CTNNB1: variants seen among roughly 807,000 people sequenced by gnomAD.
The protein encoded by CTNNB1 is catenin beta 1, also known as catenin beta-1.
CTNNB1 carries 6 observed loss-of-function variants against 82.5 expected under a neutral mutation model. The ratio of observed to expected loss-of-function variants is 0.07; its 90% CI spans 0.04 to 0.14. The LOEUF (loss-of-function observed/expected upper bound fraction) is 0.14. CTNNB1 is among the 10% of genes least tolerant of loss of function. The pLI is 1.00. For missense variants in CTNNB1, 529 were observed against 980.4 expected (o/e 0.54, Z 6.15); for synonymous variants, 312 against 329.7 (o/e 0.95, Z 0.58).
At chr3:41,211,199 T>C (rs988344261) in intron 1 of CTNNB1, 6 of 397,808 alleles carry the variant, frequency 1.5e-5, no homozygotes, top group East Asian at 7.4e-5. Context: ...ACGTTAACGA[T>C]GGCTACAACA....
rs1361277045 is a variant in CTNNB1, at chr3:41,225,433, G to T, written c.595G>T (p.Val199Leu). 1 of 1,613,862 alleles carries T rather than the reference G, an allele frequency of 6.2e-7. No individual in the cohort carries two copies. The highest frequency in any genetic ancestry group is 8.5e-7 in the Non-Finnish European group (1 of 1,179,938). ...MRSPQMVSAI[V>L]RTMQNTNDVE... ...TTCTCCTCAGATGGTGTCTGCTATT[G>T]TACGTACCATGCAGAATACAAATGA... The change falls in exon 5 of 15, where the codon GTA (valine) becomes TTA (leucine). Residue 199 changes from valine to leucine, a missense_variant. By Grantham distance (32) the Val-to-Leu change is conservative. Around this residue, in one of 4 missense-constraint regions of CTNNB1, gnomAD observed 411 missense variants for 776.4 expected, o/e 0.53. Coordinates refer to ENST00000349496, the MANE Select transcript of CTNNB1 (RefSeq NM_001904.4). This position sits in a 1 kb window ranked among gnomAD's most constrained non-coding sequence, Gnocchi z 5.3.
At chr3:41,214,425 A>G (rs1009324090) in intron 1 of CTNNB1, among the ~76,000 whole-genome samples, 10 of 151,966 alleles carry the variant, frequency 6.6e-5, no homozygotes, top group South Asian at 2.1e-4. Flanking sequence ...AAAATCATGC[A>G]TATGTTGTGG....
At position 41,240,371 on chromosome 3, in the gene CTNNB1, C is replaced by A. The variant is rs1350602036; in HGVS notation, c.*1029C>A. 1 of 186,552 alleles carries A rather than the reference C, an allele frequency of 5.4e-6. No homozygotes were observed. The allele number at this position is 186,552 out of a possible 1,614,324, so 11.6% of individuals were successfully genotyped here. ...CCTTTTATCCCAAAGTTGTTGTAAC[C>A]TGCTGTGATACGATGCTTCAAGAGA... On this transcript the variant is annotated 3_prime_UTR_variant, in exon 15 of 15. Coordinates refer to ENST00000349496, the MANE Select transcript of CTNNB1 (RefSeq NM_001904.4).
chr3:41,235,405 C>A, intron 10 of CTNNB1: 1 of 356,436 alleles, frequency 2.8e-6, no homozygotes, highest in Non-Finnish European at 5.3e-6. Flanking sequence ...CTGAGCATTA[C>A]TTTCTCATCT....
rs1321955074 is a variant in CTNNB1, at chr3:41,225,690, C to T, written c.765C>T (p.Ala255=). 6.2e-7 allele frequency: 1 copy of T among 1,614,086 alleles called. No individual in the cohort carries two copies. The highest frequency in any genetic ancestry group is 8.5e-7 in the Non-Finnish European group (1 of 1,179,996). Residue 255 remains alanine, a synonymous_variant, in exon 6 of 15, where the codon GCC becomes GCT. Coordinates refer to ENST00000349496, the MANE Select transcript of CTNNB1 (RefSeq NM_001904.4). This position sits in a 1 kb window ranked among gnomAD's most constrained non-coding sequence, Gnocchi z 5.3. ...GSPVDSVLFY[A]ITTLHNLLLH... ...CAGTGGATTCTGTGTTGTTTTATGC[C>T]ATTACAACTCTCCACAACCTTTTAT...
intron 1 of CTNNB1, among the ~76,000 whole-genome samples, chr3:41,216,054 G>T (rs1202325697): frequency 1.3e-5 from 2 of 152,144 alleles, no homozygotes; most frequent in Non-Finnish European, 2.9e-5. Context: ...GATTGAAAGG[G>T]TACATGACTG....
At chr3:41,218,109 A>G (rs575357799) in intron 1 of CTNNB1, among the ~76,000 whole-genome samples, 24 of 152,178 alleles carry the variant, frequency 1.6e-4, no homozygotes, top group Admixed American at 1.2e-3. Flanking sequence ...TTACGTGTAA[A>G]TATTTGGTGA....
At chr3:41,214,377 C>G (rs1295656825) in intron 1 of CTNNB1, among the ~76,000 whole-genome samples, 2 of 141,654 alleles carry the variant, frequency 1.4e-5, no homozygotes, top group Non-Finnish European at 3.0e-5. Context: ...ACCTTCAAGC[C>G]TGTAGGTCTT....
rs2125639859 is a variant in CTNNB1, at chr3:41,233,710, A to G, written c.1367A>G (p.Asp456Gly). ...ALVRTVLRAGDREDITEPAIC... is the reference protein window; with the variant it reads ...ALVRTVLRAGGREDITEPAIC... ...GTGCGTACTGTCCTTCGGGCTGGTGACAGGGAAGACATCACTGAGCCTGCC... is the reference window on the plus strand; with the variant it reads ...GTGCGTACTGTCCTTCGGGCTGGTGGCAGGGAAGACATCACTGAGCCTGCC... The change falls in exon 9 of 15, where the codon GAC (aspartate) becomes GGC (glycine). Residue 456 changes from aspartate to glycine, a missense_variant. Around this residue, in one of 4 missense-constraint regions of CTNNB1, gnomAD observed 411 missense variants for 776.4 expected, o/e 0.53. Transcript: ENST00000349496. 6.2e-7 allele frequency: 1 copy of G among 1,614,128 alleles called. No homozygotes were observed. The highest frequency in any genetic ancestry group is 8.5e-7 in the Non-Finnish European group (1 of 1,180,002).
intron 1 of CTNNB1, among the ~76,000 whole-genome samples, chr3:41,206,989 A>G (rs1421638570): frequency 2.6e-5 from 4 of 152,234 alleles, no homozygotes; most frequent in Non-Finnish European, 5.9e-5. Flanking sequence ...TAAATTTAGT[A>G]TATCAATTTT....
At chr3:41,217,671 T>C (rs551560723) in intron 1 of CTNNB1, among the ~76,000 whole-genome samples, 209 of 152,336 alleles carry the variant, frequency 1.4e-3, no homozygotes, top group African/African-American at 4.8e-3. Flanking sequence ...TATCAAAAGT[T>C]TCTGCTAGTT....
rs2125621274 is a variant in CTNNB1 at position 41,225,199 on chromosome 3, G to A, written c.487G>A (p.Glu163Lys). The A allele has an allele frequency of 6.2e-7, 1 of 1,614,034 alleles. No homozygotes were observed. ...IPELTKLLND[E>K]DQVVVNKAAV... is the part of the protein sequence containing the mutation. ...TGAACTGACAAAACTGCTAAATGAC[G>A]AGGACCAGGTAAGCAATGACATAGC... Residue 163 changes from glutamate (E) to lysine (K), a missense_variant, in exon 4 of 15, where the codon GAG (glutamate) becomes AAG (lysine). By Grantham distance (56) the Glu-to-Lys change is moderately conservative (BLOSUM62 1). Transcript: ENST00000349496. The surrounding 1 kb of genome is among the most constrained non-coding windows in gnomAD (Gnocchi z 5.3).
intron 1 of CTNNB1, chr3:41,200,137 G>A (rs1248737602): frequency 6.6e-6 from 1 of 152,292 alleles, no homozygotes; most frequent in Non-Finnish European, 1.5e-5. Flanking sequence ...CTGAGGCAGA[G>A]ACGCCACCCT....
rs184253696 is a variant in CTNNB1 at position 41,214,924 on chromosome 3, A to G, written c.-48-9097A>G. Among the ~76,000 whole-genome samples the G allele has an allele frequency of 2.8e-3, 433 of 152,314 alleles. 1 individual carries two copies. The highest frequency in any genetic ancestry group is 6.8e-3 in the Middle Eastern group (2 of 294). On this transcript the variant is annotated intron_variant, in intron 1 of 14. Transcript: ENST00000349496. The stretch of plus-strand genomic sequence containing the variant: ...ATATTCTCTGGCTGTTTTCACTGCA[A>G]TAGCAGAGTTGAGTAGTTGTGACAA...
intron 2 of CTNNB1, 71 bp from the exon 3 acceptor site, chr3:41,224,453 TCA>T: frequency 1.5e-6 from 2 of 1,379,302 alleles, no homozygotes; most frequent in Non-Finnish European, 2.0e-6. Flanking sequence ...ATGGGTCATA[TCA>T]CAGATTCTTT....
chr3:41,237,414 A>G (rs1307964054), intron 13 of CTNNB1: 1 of 144,312 alleles, frequency 6.9e-6, no homozygotes, highest in Admixed American at 7.3e-5. Context: ...GAGTTAACAG[A>G]CTGCACTCAG....
At chr3:41,235,150 A>G (rs1282762315) in intron 10 of CTNNB1, 1 of 155,670 alleles carries the variant, frequency 6.4e-6, no homozygotes, top group Admixed American at 6.2e-5. Flanking sequence ...CAGAATAATA[A>G]CCCCTTTTAA....
rs567584186 is a variant in CTNNB1 at position 41,202,443 on chromosome 3, A to G, written c.-49+2773A>G. ...GTTGATTTGTGACATTGTTTTTGAA[A>G]ATATGTGTTAACTTAGTTTTCTTGT... On this transcript the variant is annotated intron_variant, in intron 1 of 14. Coordinates refer to ENST00000349496, the MANE Select transcript of CTNNB1 (RefSeq NM_001904.4). 2.6e-5 allele frequency among the ~76,000 whole-genome samples: 4 copies of G among 152,308 alleles called. No individual in the cohort carries two copies. In the East Asian group the frequency reaches 7.7e-4, roughly 29 times the overall value.
intron 14 of CTNNB1, 71 bp downstream of exon 14, chr3:41,238,147 G>T: frequency 7.2e-7 from 1 of 1,398,302 alleles, no homozygotes; most frequent in Non-Finnish European, 1.0e-6. Context: ...AGAAGAGCCG[G>T]TTTGCTCATC....
Sources: allele counts gnomAD v4.1 joint callset (sites outside exome capture counted in the v4.1 genomes callset), GRCh38; gene constraint gnomAD v4.1.1; regional missense constraint gnomAD v4.1.1; non-coding constraint Gnocchi (gnomAD v3.1); transcripts MANE v1.5; gene names NCBI Gene and HGNC (gene_info 2026-07-23, HGNC 2026-07-21).